The following STON2 variants were observed in gnomAD, a reference collection of about 807,000 sequenced individuals.
STON2 encodes stonin-2.
STON2 carries 29 observed loss-of-function variants against 65.7 expected under a neutral mutation model. That is an observed-to-expected ratio of 0.44 (90% CI 0.33 to 0.60). The LOEUF (loss-of-function observed/expected upper bound fraction) is 0.60. Among genes scored for constraint, STON2 ranks in the 20% least tolerant of loss-of-function variants. STON2 has a pLI of 0.03. For synonymous variants in STON2, 404 were observed against 414.2 expected (o/e 0.98, Z 0.30); for missense variants, 1,054 against 1,118.1 (o/e 0.94, Z 0.82).
rs1894341796 is a variant in STON2 at position 81,265,912 on chromosome 14, C to A, written c.*2502G>T. On this transcript the variant is annotated 3_prime_UTR_variant, in exon 8 of 8. Coordinates refer to ENST00000614646, the MANE Select transcript of STON2 (RefSeq NM_001394390.1). ...TAAGCGTGAGTGACTAAGGAAGGTG[C>A]TGGGATGAGCTTCATTTCCCTTGCC... 1.0e-6 allele frequency: 1 copy of A among 985,198 alleles called. No homozygotes were observed. Among genetic ancestry groups the A allele is most frequent in the African/African-American group, 1.7e-5 (1 of 57,306 alleles). 61.0% of individuals were successfully genotyped at this position (985,198 alleles called of 1,614,324 possible).
rs142999725 is a variant in STON2 at position 81,277,083 on chromosome 14, C to T, written c.2399G>A (p.Arg800His). Residue 800 changes from arginine (R) to histidine (H), a missense_variant, in exon 6 of 8, where the codon CGC becomes CAC. Arg to His is a conservative substitution (Grantham distance 29). Transcript: ENST00000614646. The part of the protein sequence containing the change: ...PVPSEWVKNF[R>H]RESVLGEKSL... ...CTTTTCCCCCAGGACACTTTCCCTGCGGAAGTTTTTCACCCACTCACTGGG... is the reference window on the plus strand; with the variant it reads ...CTTTTCCCCCAGGACACTTTCCCTGTGGAAGTTTTTCACCCACTCACTGGG... 7.7e-5 allele frequency: 124 copies of T among 1,614,060 alleles called. No individual in the cohort carries two copies. The highest frequency in any genetic ancestry group is 7.5e-4 in the African/African-American group (56 of 74,924).
At chr14:81,291,821 T>C (rs1053423342) in intron 5 of STON2, among the ~76,000 whole-genome samples, 1 of 150,926 alleles carries the variant, frequency 6.6e-6, no homozygotes, top group South Asian at 2.1e-4. Flanking sequence ...GAGAAAATGC[T>C]TAGTATACTA....
chr14:81,263,081 A>G lies in STON2; in HGVS notation c.*5333T>C. The G allele has an allele frequency of 1.0e-6, 1 of 985,250 alleles. No homozygotes were observed. Among genetic ancestry groups the G allele is most frequent in the Non-Finnish European group, 1.2e-6 (1 of 829,786 alleles). 61.0% of individuals were successfully genotyped at this position (985,250 alleles called of 1,614,324 possible). ...AGTAGTAAAGTGTGTGAGACAGTGC[A>G]TTTACCAAATGATATTTTTTTGTGG... is the stretch of plus-strand genomic sequence containing the variant. On this transcript the variant is annotated 3_prime_UTR_variant, in exon 8 of 8. Transcript: ENST00000614646.
rs1405630786 is a variant in STON2 at position 81,277,027 on chromosome 14, T to G, written c.2455A>C (p.Ser819Arg). The G allele has an allele frequency of 6.2e-7, 1 of 1,614,206 alleles. No individual in the cohort carries two copies. The highest frequency in any genetic ancestry group is 1.3e-5 in the African/African-American group (1 of 75,064). Residue 819 changes from serine to arginine, a missense_variant, in exon 6 of 8, where the codon AGT becomes CGT. Physicochemically the swap from Ser to Arg is moderately radical, Grantham distance 110. Transcript: ENST00000614646. ...CCAGAAACACTAGTGGAGCCAAAAC[T>G]TGCCCCCCGGTTCACTTTGGCTTTC... The part of the protein sequence containing the change: ...SLKAKVNRGA[S>R]FGSTSVSGSE...
Position 81,262,244 on chromosome 14 carries a change from A to C in STON2, c.*6170T>G. On this transcript the variant is annotated 3_prime_UTR_variant, in exon 8 of 8. Transcript: ENST00000614646. The stretch of plus-strand genomic sequence containing the variant: ...GCTATGTCCTGTAAAGATTCACAGA[A>C]ACCCCAATTTCCCCTTAATAAATCC... 2 of 985,412 alleles carry C rather than the reference A, an allele frequency of 2.0e-6. No homozygotes were observed. The highest frequency in any genetic ancestry group is 2.4e-6 in the Non-Finnish European group (2 of 829,924). The allele number at this position is 985,412 out of a possible 1,614,324, so 61.0% of individuals were successfully genotyped here.
rs188381291 is a variant in STON2 at position 81,311,242 on chromosome 14, G to A, written c.742+12775C>T. On this transcript the variant is annotated intron_variant, in intron 5 of 7. Coordinates refer to ENST00000614646, the MANE Select transcript of STON2 (RefSeq NM_001394390.1). ...AAGAGCAATGGAATAGGAGGCAGGA[G>A]AAGAGTATGGGAATAGGTCTCTATC... Among the ~76,000 whole-genome samples the A allele has an allele frequency of 1.2e-3, 178 of 152,306 alleles. 2 individuals carry two copies. The highest frequency in any genetic ancestry group is 3.9e-3 in the African/African-American group (161 of 41,554).
chr14:81,392,706 C>T (rs939680261), intron 3 of STON2, among the ~76,000 whole-genome samples: 5 of 151,510 alleles, frequency 3.3e-5, no homozygotes, highest in African/African-American at 7.3e-5. Flanking sequence ...ACTTTTTTTT[C>T]AAGACAATTA....
At chr14:81,435,257 T>C (rs1902371429) in intron 1 of STON2, among the ~76,000 whole-genome samples, 1 of 152,228 alleles carries the variant, frequency 6.6e-6, no homozygotes, top group African/African-American at 2.4e-5. Flanking sequence ...GTCTCATTAA[T>C]AATAGCATTT....
intron 5 of STON2, among the ~76,000 whole-genome samples, chr14:81,309,526 A>G (rs1019289632): frequency 6.6e-6 from 1 of 152,190 alleles, no homozygotes; most frequent in Non-Finnish European, 1.5e-5. Flanking sequence ...AAATCTATTA[A>G]TAAATCCCTA....
chr14:81,312,512 T>C (rs1453891263), intron 5 of STON2, among the ~76,000 whole-genome samples: 3 of 152,178 alleles, frequency 2.0e-5, no homozygotes, highest in Non-Finnish European at 4.4e-5. Context: ...CCTCTATAAA[T>C]TGCAAACTCA....
rs117357405 is a variant in STON2, at chr14:81,271,796, G to A, written c.2582-924C>T. ...ATTCACCTGCCATACAGGAAACATTGAAGTACCCTATGCCTTCTTCTATGT... is the reference window on the plus strand; with the variant it reads ...ATTCACCTGCCATACAGGAAACATTAAAGTACCCTATGCCTTCTTCTATGT... On this transcript the variant is annotated intron_variant, in intron 6 of 7. Transcript: ENST00000614646. Among the ~76,000 whole-genome samples, 7 of 152,286 alleles carry A rather than the reference G, an allele frequency of 4.6e-5. No homozygotes were observed. The East Asian group carries it at 7.7e-4, about 17-fold the overall frequency.
intron 3 of STON2, among the ~76,000 whole-genome samples, chr14:81,381,277 G>A (rs557029491): frequency 2.6e-5 from 4 of 151,542 alleles, no homozygotes; most frequent in African/African-American, 7.3e-5. Flanking sequence ...TGACTTTGGA[G>A]TAGAGAAATA....
At chr14:81,363,639 G>T (rs979257048) in intron 4 of STON2, among the ~76,000 whole-genome samples, 25 of 151,338 alleles carry the variant, frequency 1.7e-4, no homozygotes, top group Non-Finnish European at 3.0e-5. Flanking sequence ...AAAAAAAACT[G>T]CTCTGCTATT....
chr14:81,303,536 C>CG (rs1423598289), intron 5 of STON2, among the ~76,000 whole-genome samples: 2 of 152,186 alleles, frequency 1.3e-5, no homozygotes, highest in Non-Finnish European at 2.9e-5. Flanking sequence ...CCATTCACAA[C>CG]ATCAATAATG....
chr14:81,384,439 T>C (rs750567045), intron 3 of STON2, among the ~76,000 whole-genome samples: 1 of 152,164 alleles, frequency 6.6e-6, no homozygotes, highest in Non-Finnish European at 1.5e-5. Flanking sequence ...TTTCACTATG[T>C]TGGCCAGGCT....
chr14:81,339,069 A>G (rs1897490175), intron 4 of STON2, among the ~76,000 whole-genome samples: 1 of 152,162 alleles, frequency 6.6e-6, no homozygotes, highest in Non-Finnish European at 1.5e-5. Flanking sequence ...GTGGTGGCCA[A>G]TTAGGCAGGA....
intron 4 of STON2, among the ~76,000 whole-genome samples, chr14:81,366,785 T>C (rs1275677779): frequency 6.6e-6 from 1 of 152,014 alleles, no homozygotes; most frequent in Non-Finnish European, 1.5e-5. Context: ...GTAATTATCC[T>C]TATGCCCCAT....
chr14:81,425,657 A>AAC (rs1901934413), intron 2 of STON2, among the ~76,000 whole-genome samples: 1 of 152,172 alleles, frequency 6.6e-6, no homozygotes, highest in Non-Finnish European at 1.5e-5. Context: ...GCAAAGAGCA[A>AAC]ACATGAGGTT....
chr14:81,435,596 A>G (rs1291869887), intron 1 of STON2, among the ~76,000 whole-genome samples: 2 of 152,074 alleles, frequency 1.3e-5, no homozygotes, highest in Non-Finnish European at 2.9e-5. Context: ...AGCTGCACAA[A>G]AGCACAGTTA....
Sources: gnomAD v4.1 joint callset for allele counts (sites outside exome capture counted in the v4.1 genomes callset) on GRCh38, gnomAD v4.1.1 for gene constraint, MANE v1.5 for transcripts, NCBI Gene and HGNC (gene_info 2026-07-23, HGNC 2026-07-21) for gene names.